CEP63: variants seen among roughly 807,000 people sequenced by gnomAD.
CEP63 encodes centrosomal protein of 63 kDa.
In CEP63, 84 loss-of-function variants were observed where a neutral mutation model predicts 89.1. The observed-to-expected ratio is 0.94, with a 90% CI of 0.79 to 1.13. The LOEUF (loss-of-function observed/expected upper bound fraction) is 1.13. CEP63 is among the 50% of genes most tolerant of loss of function. The pLI is 0.00. For synonymous variants in CEP63, 267 were observed against 272.5 expected (o/e 0.98, Z 0.20); for missense variants, 838 against 813.3 (o/e 1.03, Z -0.37).
chr3:134,718,700 CA>C, the CEP63 span, among the ~76,000 whole-genome samples: 1 of 152,222 alleles, frequency 6.6e-6, no homozygotes, highest in Non-Finnish European at 1.5e-5. Flanking sequence ...CCAGTCTCCT[CA>C]CCATGCAGGT....
chr3:134,564,555 A>G lies in CEP63; in HGVS notation c.*3020A>G, dbSNP rs1957637248. On this transcript the variant is annotated 3_prime_UTR_variant, in exon 15 of 15. Transcript: ENST00000675561. ...CAGCATGCTGCCTAACACATAACAG[A>G]TCCTAAGCAAATATTGGGTGGATGA... is the stretch of plus-strand genomic sequence containing the variant. 1 of 985,412 alleles carries G rather than the reference A, an allele frequency of 1.0e-6. No homozygotes were observed. 61.0% of individuals were successfully genotyped at this position (985,412 alleles called of 1,614,324 possible). A position where few individuals can be genotyped will look rare whatever the true frequency, so the allele number is the denominator to read the frequency against.
the CEP63 span, among the ~76,000 whole-genome samples, chr3:134,632,645 A>G: frequency 6.6e-6 from 1 of 151,974 alleles, no homozygotes; most frequent in Non-Finnish European, 1.5e-5. Flanking sequence ...AATTCTTATT[A>G]CAGAAAAAAG....
the CEP63 span, among the ~76,000 whole-genome samples, chr3:134,682,497 G>C: frequency 6.6e-6 from 1 of 152,184 alleles, no homozygotes; most frequent in Non-Finnish European, 1.5e-5. Flanking sequence ...AATGCAGGAG[G>C]GGGAGCCCGC....
Position 134,507,165 on chromosome 3 carries a change from T to A in CEP63, c.101T>A (p.Ile34Lys), listed in dbSNP as rs142072867. The change falls in exon 3 of 15, where the codon ATA (isoleucine) becomes AAA (lysine). Residue 34 changes from isoleucine (I) to lysine (K), a missense_variant. By Grantham distance (102) the Ile-to-Lys change is moderately radical. Transcript: ENST00000675561. The part of the protein sequence containing the change: ...ELQELMKQID[I>K]MVAHKKSEWE... ...CAGGAGCTCATGAAACAGATTGACA[T>A]AATGGTGGCTCATAAAAAATCTGAA... The A allele has an allele frequency of 3.7e-6, 6 of 1,613,680 alleles. No homozygotes were observed. The highest frequency in any genetic ancestry group is 5.1e-6 in the Non-Finnish European group (6 of 1,179,854).
At chr3:134,554,893 T>G (rs1378014875) in intron 12 of CEP63, among the ~76,000 whole-genome samples, 34 of 152,036 alleles carry the variant, frequency 2.2e-4, no homozygotes. Context: ...TTTTGAGAAG[T>G]GTCTGTTCAT....
At chr3:134,691,410 T>C in the CEP63 span, among the ~76,000 whole-genome samples, 37 of 150,426 alleles carry the variant, frequency 2.5e-4, no homozygotes, top group South Asian at 7.3e-3. Context: ...AGCCTAGGAG[T>C]TCGAGACCAG....
the CEP63 span, among the ~76,000 whole-genome samples, chr3:134,613,424 A>T: frequency 3.9e-5 from 6 of 152,310 alleles, no homozygotes; most frequent in African/African-American, 1.4e-4. Context: ...GAGCAGGAGG[A>T]AGAAGCAAGG....
intron 3 of CEP63, among the ~76,000 whole-genome samples, chr3:134,524,937 A>T (rs1368197565): frequency 1.3e-5 from 2 of 152,086 alleles, no homozygotes; most frequent in Non-Finnish European, 2.9e-5. Flanking sequence ...AATTTTTTGG[A>T]ATAGTTTTAG....
At chr3:134,633,098 T>C in the CEP63 span, among the ~76,000 whole-genome samples, 3 of 152,116 alleles carry the variant, frequency 2.0e-5, no homozygotes, top group Non-Finnish European at 4.4e-5. Flanking sequence ...AATACCTATT[T>C]GTTAAATTAA....
chr3:134,640,094 T>C, the CEP63 span, among the ~76,000 whole-genome samples: 1 of 151,798 alleles, frequency 6.6e-6, no homozygotes, highest in African/African-American at 2.4e-5. Flanking sequence ...AAGATTCCAA[T>C]GTTCCTTTGC....
chr3:134,554,368 A>G (rs572428103), intron 12 of CEP63, among the ~76,000 whole-genome samples: 1 of 149,484 alleles, frequency 6.7e-6, no homozygotes, highest in African/African-American at 2.5e-5. Context: ...TTTACTGAGA[A>G]TGATGATTTC....
chr3:134,696,572 G>A, the CEP63 span, among the ~76,000 whole-genome samples: 1 of 152,126 alleles, frequency 6.6e-6, no homozygotes, highest in Non-Finnish European at 1.5e-5. Context: ...GTGGAATATT[G>A]AAGAAATGCA....
At chr3:134,550,018 T>G (rs984095264) in intron 10 of CEP63, 45 bp from the exon 11 acceptor site, 1 of 1,349,094 alleles carries the variant, frequency 7.4e-7, no homozygotes, top group African/African-American at 1.4e-5. Context: ...TCTATCTAAA[T>G]GCTTTCTCTT....
chr3:134,576,966 A>C (rs1028722397), downstream of CEP63, among the ~76,000 whole-genome samples: 5 of 152,226 alleles, frequency 3.3e-5, no homozygotes, highest in African/African-American at 4.8e-5. Context: ...AAAACAAACA[A>C]AAAACAACAC....
the CEP63 span, among the ~76,000 whole-genome samples, chr3:134,730,242 T>C: frequency 2.6e-5 from 4 of 152,236 alleles, no homozygotes; most frequent in Non-Finnish European, 5.9e-5. Flanking sequence ...AACCCTACCA[T>C]AGAGGCTCAG....
intron 3 of CEP63, among the ~76,000 whole-genome samples, chr3:134,528,862 TAA>T (rs1439509692): frequency 2.6e-5 from 4 of 152,320 alleles, no homozygotes; most frequent in African/African-American, 9.6e-5. Context: ...TACGAATAGT[TAA>T]GACTCTTCAA....
the CEP63 span, among the ~76,000 whole-genome samples, chr3:134,643,926 G>A: frequency 6.6e-6 from 1 of 151,016 alleles, no homozygotes; most frequent in African/African-American, 2.4e-5. Flanking sequence ...TCCTGGGTTC[G>A]TGCCATTCTC....
the CEP63 span, among the ~76,000 whole-genome samples, chr3:134,679,514 C>A: frequency 1.6e-4 from 24 of 152,206 alleles, no homozygotes; most frequent in African/African-American, 5.8e-4. Flanking sequence ...CTTCTTACCA[C>A]ACTCTTACTT....
the CEP63 span, among the ~76,000 whole-genome samples, chr3:134,645,198 G>A: frequency 3.9e-5 from 6 of 152,224 alleles, no homozygotes; most frequent in Non-Finnish European, 7.3e-5. Context: ...GGGGAAGCCC[G>A]TTGCTGGGCA....
Sources: gnomAD v4.1 joint callset for allele counts (sites outside exome capture counted in the v4.1 genomes callset) on GRCh38, gnomAD v4.1.1 for gene constraint, MANE v1.5 for transcripts, NCBI Gene and HGNC (gene_info 2026-07-23, HGNC 2026-07-21) for gene names.